RNF228: variants seen among roughly 807,000 people sequenced by gnomAD.
RNF228 encodes the protein ring finger protein 228.
the RNF228 span, among the ~76,000 whole-genome samples, chr2:222,317,040 C>T: frequency 1.3e-5 from 2 of 152,132 alleles, no homozygotes; most frequent in Non-Finnish European, 2.9e-5. Context: ...TCTCACTGGG[C>T]CTTCCAGGGT....
the RNF228 span, chr2:222,318,780 C>A: frequency 2.0e-5 from 3 of 150,182 alleles, no homozygotes; most frequent in East Asian, 5.9e-4. Context: ...GACCCCCCCC[C>A]CCCACCAACA....
chr2:222,317,030 T>C, the RNF228 span, among the ~76,000 whole-genome samples: 3 of 152,168 alleles, frequency 2.0e-5, no homozygotes, highest in African/African-American at 4.8e-5. Context: ...ATACAACAGA[T>C]CTCACTGGGC....
chr2:222,319,400 G>A, the RNF228 span: 1 of 286,538 alleles, frequency 3.5e-6, no homozygotes, highest in Non-Finnish European at 6.5e-6. This position sits in a 1 kb window ranked among gnomAD's most constrained non-coding sequence, Gnocchi z 7.6. Flanking sequence ...AGTTCTGGCA[G>A]CTGTCGTAGG....
At chr2:222,314,348 G>T in the RNF228 span, among the ~76,000 whole-genome samples, 1 of 152,176 alleles carries the variant, frequency 6.6e-6, no homozygotes, top group African/African-American at 2.4e-5. Flanking sequence ...TCTAGCAGAG[G>T]ATAAATTCAA....
the RNF228 span, among the ~76,000 whole-genome samples, chr2:222,314,791 CAG>C: frequency 1.3e-5 from 2 of 152,264 alleles, no homozygotes; most frequent in East Asian, 3.9e-4. Flanking sequence ...CTTAAGAAAA[CAG>C]GGAGTAACAA....
At chr2:222,318,346 A>C in the RNF228 span, 2 of 152,298 alleles carry the variant, frequency 1.3e-5, no homozygotes, top group Non-Finnish European at 2.9e-5. Flanking sequence ...CCGATCGCGC[A>C]CGCGCGCCGT....
At chr2:222,319,822 A>G in the RNF228 span, among the ~76,000 whole-genome samples, 1 of 150,796 alleles carries the variant, frequency 6.6e-6, no homozygotes, top group Non-Finnish European at 1.5e-5. The surrounding 1 kb of genome is among the most constrained non-coding windows in gnomAD (Gnocchi z 7.6). Flanking sequence ...CACTCCTGGC[A>G]GAAGGTGTGC....
Sources: allele counts gnomAD v4.1 joint callset (sites outside exome capture counted in the v4.1 genomes callset), GRCh38; gene constraint gnomAD v4.1.1; non-coding constraint Gnocchi (gnomAD v3.1); transcripts MANE v1.5; gene names NCBI Gene and HGNC (gene_info 2026-07-23, HGNC 2026-07-21).